CPEB2: variants seen among roughly 807,000 people sequenced by gnomAD.
CPEB2 encodes the protein cytoplasmic polyadenylation element binding protein 2.
Under a neutral mutation model 93.6 loss-of-function variants are expected in CPEB2, and 56 were observed. The observed-to-expected ratio is 0.60, with a 90% CI of 0.48 to 0.75. CPEB2 has a LOEUF of 0.75. Ranked by LOEUF, CPEB2 falls within the 30% of genes least tolerant of loss-of-function variation. CPEB2 has a pLI of 0.00. For synonymous variants in CPEB2, 764 were observed against 586.3 expected, an observed-to-expected ratio of 1.30 and a Z score of -4.38; for missense variants, 1,579 against 1,395.1, an observed-to-expected ratio of 1.13 and a Z score of -2.10.
intron 5 of CPEB2, 139 bp downstream of exon 5, chr4:15,033,350 A>T (rs1451677269): frequency 2.7e-5 from 18 of 659,390 alleles, no homozygotes; most frequent in Non-Finnish European, 4.5e-5. Context: ...TTCCTATGCA[A>T]AAGGCAGAAT....
Position 15,052,433 on chromosome 4 carries a change from A to G in CPEB2, c.2220A>G (p.Pro740=), listed in dbSNP as rs1011637618. The G allele has an allele frequency of 3.9e-6, 6 of 1,532,450 alleles. No homozygotes were observed. The highest frequency in any genetic ancestry group is 4.4e-6 in the Non-Finnish European group (5 of 1,132,684). 94.9% of individuals were successfully genotyped at this position (1,532,450 alleles called of 1,614,324 possible). The part of the protein sequence containing the change: ...GRRRGRSSLF[P]IDDGLLDDGH... The stretch of plus-strand genomic sequence containing the variant: ...TTCTAGGTCGTTCTTCCCTCTTTCC[A>G]ATAGATGATGGCTTGCTTGATGATG... The change falls in exon 7 of 12, where the codon CCA becomes CCG. Residue 740 remains proline, a synonymous_variant. Coordinates refer to ENST00000538197, the MANE Select transcript of CPEB2 (RefSeq NM_001177382.2).
At chr4:15,007,743 A>G (rs1198041265) in intron 2 of CPEB2, 157 bp downstream of exon 2, 5 of 460,394 alleles carry the variant, frequency 1.1e-5, no homozygotes, top group Non-Finnish European at 1.8e-5. Context: ...AAATATCTAT[A>G]CAGAGAAAAT....
At position 15,003,502 on chromosome 4, in the gene CPEB2, G is replaced by C; in HGVS notation, c.829G>C (p.Gly277Arg). ...GCCTGCAGCCCCGCGGCGCCGCCACGGAGGCGCGGGCAGCCCTCGCAAGAC... is the reference window on the plus strand; with the variant it reads ...GCCTGCAGCCCCGCGGCGCCGCCACCGAGGCGCGGGCAGCCCTCGCAAGAC... ...SPPAAPRRRHGGAGSPRKTPA... is the reference protein window; with the variant it reads ...SPPAAPRRRHRGAGSPRKTPA... Residue 277 changes from glycine to arginine, a missense_variant, in exon 1 of 12, where the codon GGA becomes CGA. By Grantham distance (125) the Gly-to-Arg change is moderately radical. This residue lies in a region of CPEB2 where 1,411 missense variants were observed against 1,056.0 expected (regional missense o/e 1.34). Coordinates refer to ENST00000538197, the MANE Select transcript of CPEB2 (RefSeq NM_001177382.2). The C allele has an allele frequency of 2.1e-6, 3 of 1,408,700 alleles. No individual in the cohort carries two copies. Among genetic ancestry groups the C allele is most frequent in the Non-Finnish European group, 2.8e-6 (3 of 1,085,712 alleles). The allele number at this position is 1,408,700 out of a possible 1,614,324, so 87.3% of individuals were successfully genotyped here. A position where few individuals can be genotyped will look rare whatever the true frequency, so the allele number is the denominator to read the frequency against.
At position 15,017,220 on chromosome 4, in the gene CPEB2, G is replaced by A. The variant is rs1289960925; in HGVS notation, c.2067G>A (p.Met689Ile). 1 of 1,600,450 alleles carries A rather than the reference G, an allele frequency of 6.2e-7. No homozygotes were observed. Residue 689 changes from methionine to isoleucine, a missense_variant, in exon 4 of 12, where the codon ATG (methionine) becomes ATA (isoleucine). Met to Ile is a conservative substitution (Grantham distance 10, BLOSUM62 1). This residue lies in a region of CPEB2 where 1,411 missense variants were observed against 1,056.0 expected (regional missense o/e 1.34). Coordinates refer to ENST00000538197, the MANE Select transcript of CPEB2 (RefSeq NM_001177382.2). Reference protein sequence around the residue: ...DRSRMYDSLNMHSLENSLIDI... With the variant: ...DRSRMYDSLNIHSLENSLIDI... ...GTAGAATGTATGACAGTTTGAATAT[G>A]CACTCTTTGGAAAATTCCCTTATCG...
chr4:15,057,818 C>G (rs1417088866), intron 8 of CPEB2, among the ~76,000 whole-genome samples: 6 of 152,130 alleles, frequency 3.9e-5, no homozygotes, highest in Non-Finnish European at 8.8e-5. Flanking sequence ...TCCAGCCTTC[C>G]TACTGTAGCT....
rs1232363362 is a variant in CPEB2 at position 15,067,049 on chromosome 4, T to C, written c.*669T>C. 6.6e-6 allele frequency: 1 copy of C among 152,662 alleles called. No homozygotes were observed. Among genetic ancestry groups the C allele is most frequent in the East Asian group, 1.9e-4 (1 of 5,180 alleles). 9.5% of individuals were successfully genotyped at this position (152,662 alleles called of 1,614,324 possible). A position where few individuals can be genotyped will look rare whatever the true frequency, so the allele number is the denominator to read the frequency against. ...CTGAAAACGTTAGAGACACACTGCA[T>C]TGCAGATAAAATGCAGGCAGCACAA... On this transcript the variant is annotated 3_prime_UTR_variant, in exon 12 of 12. Transcript: ENST00000538197.
At chr4:15,038,459 A>G (rs1726847187) in intron 5 of CPEB2, among the ~76,000 whole-genome samples, 1 of 152,230 alleles carries the variant, frequency 6.6e-6, no homozygotes, top group Non-Finnish European at 1.5e-5. Flanking sequence ...GCAAATTTAT[A>G]CTGGATTAAT....
At chr4:15,066,068 T>C (rs754210641) in intron 11 of CPEB2, 85 bp from the exon 12 acceptor site, 23 of 1,191,178 alleles carry the variant, frequency 1.9e-5, no homozygotes, top group Non-Finnish European at 2.8e-5. Context: ...TGGTCCTTTT[T>C]TTCTGCTGTA....
chr4:15,043,621 C>A (rs189107667), intron 6 of CPEB2, among the ~76,000 whole-genome samples: 31 of 152,110 alleles, frequency 2.0e-4, no homozygotes, highest in Non-Finnish European at 2.9e-4. Context: ...ATCCTTTCAA[C>A]TTAAACTATT....
At chr4:15,036,294 A>G (rs1162672230) in intron 5 of CPEB2, among the ~76,000 whole-genome samples, 1 of 152,228 alleles carries the variant, frequency 6.6e-6, no homozygotes, top group Non-Finnish European at 1.5e-5. Flanking sequence ...TTCCGAACAG[A>G]CCATATTCCC....
intron 4 of CPEB2, among the ~76,000 whole-genome samples, chr4:15,032,132 C>T (rs1387781534): frequency 6.6e-6 from 1 of 152,110 alleles, no homozygotes; most frequent in Non-Finnish European, 1.5e-5. Context: ...GGGTCTTGCC[C>T]TGTTGCTCAG....
intron 3 of CPEB2, among the ~76,000 whole-genome samples, chr4:15,011,170 G>A (rs1020301831): frequency 2.9e-5 from 4 of 140,288 alleles, no homozygotes; most frequent in East Asian, 2.1e-4. Context: ...GCACGATCTC[G>A]TCTCACTGCA....
chr4:15,060,605 C>T (rs989066085), intron 10 of CPEB2, among the ~76,000 whole-genome samples: 1 of 152,196 alleles, frequency 6.6e-6, no homozygotes, highest in African/African-American at 2.4e-5. Flanking sequence ...GGAAGGAAAA[C>T]TGGAGAAGGA....
intron 4 of CPEB2, among the ~76,000 whole-genome samples, chr4:15,026,649 G>A (rs1725511147): frequency 6.6e-6 from 1 of 152,078 alleles, no homozygotes. Context: ...ACAAATAGGA[G>A]GAGCCCAGTA....
intron 5 of CPEB2, among the ~76,000 whole-genome samples, chr4:15,033,518 C>T (rs1726328580): frequency 6.6e-6 from 1 of 152,152 alleles, no homozygotes; most frequent in South Asian, 2.1e-4. Context: ...GTTTCCCCAT[C>T]TCTGTAATGA....
Position 15,003,358 on chromosome 4 carries a change from C to T in CPEB2, c.685C>T (p.Gln229Ter). Residue 229 changes from glutamine to a stop codon, truncating the protein, a stop_gained, in exon 1 of 12, where the codon CAG (glutamine) becomes TAG (stop). Coordinates refer to ENST00000538197, the MANE Select transcript of CPEB2 (RefSeq NM_001177382.2). LOFTEE classifies it high-confidence loss of function. ...LQPAQLAQRQQQQPPQQFSLL... is the reference protein window; with the variant it reads ...LQPAQLAQRQ ...GCCGGCGCAGCTCGCTCAGCGCCAG[C>T]AGCAACAGCCGCCGCAGCAGTTCAG... 2 of 1,388,350 alleles carry T rather than the reference C, an allele frequency of 1.4e-6. No homozygotes were observed. Among genetic ancestry groups the T allele is most frequent in the East Asian group, 3.0e-5 (1 of 32,932 alleles). The allele number at this position is 1,388,350 out of a possible 1,614,324, so 86.0% of individuals were successfully genotyped here.
intron 8 of CPEB2, 32 bp from the exon 9 acceptor site, chr4:15,058,389 A>T: frequency 7.8e-7 from 1 of 1,281,310 alleles, no homozygotes; most frequent in Non-Finnish European, 1.1e-6. Context: ...ACTTGGCTTG[A>T]CATATTGCCT....
Position 15,042,994 on chromosome 4 carries a change from T to C in CPEB2, c.2200+2507T>C, listed in dbSNP as rs537503931. 3.9e-5 allele frequency among the ~76,000 whole-genome samples: 6 copies of C among 152,318 alleles called. No homozygotes were observed. The South Asian group carries it at 8.3e-4, about 21-fold the overall frequency. ...TCGGATGTGTCACACTGAGTTGATA[T>C]AATTTTTGCTAAAAATAAGTCATGG... On this transcript the variant is annotated intron_variant, in intron 6 of 11. Transcript: ENST00000538197.
intron 1 of CPEB2, among the ~76,000 whole-genome samples, chr4:15,007,061 A>G (rs1263057748): frequency 6.6e-6 from 1 of 152,216 alleles, no homozygotes; most frequent in African/African-American, 2.4e-5. Flanking sequence ...GCATGGTTCT[A>G]TTTTAGTAAC....
Sources: gnomAD v4.1 joint callset for allele counts (sites outside exome capture counted in the v4.1 genomes callset) on GRCh38, gnomAD v4.1.1 for gene constraint, gnomAD v4.1.1 regional missense constraint, MANE v1.5 for transcripts, NCBI Gene and HGNC (gene_info 2026-07-23, HGNC 2026-07-21) for gene names.